KDM5A: variants seen among roughly 807,000 people sequenced by gnomAD.
KDM5A encodes the protein lysine demethylase 5A.
In KDM5A, 42 loss-of-function variants were observed where a neutral mutation model predicts 193.5. The observed-to-expected ratio is 0.22, with a 90% confidence interval of 0.17 to 0.28. The LOEUF is 0.28. KDM5A is among the 10% of genes least tolerant of loss of function. The pLI is 1.00. For synonymous variants in KDM5A, 796 were observed against 718.1 expected (o/e 1.11, Z -1.73); for missense variants, 1,692 against 2,055.1 (o/e 0.82, Z 3.42).
chr12:388,242 G>A (rs1565556207), intron 1 of KDM5A: 1 of 455,246 alleles, frequency 2.2e-6, no homozygotes, highest in African/African-American at 2.0e-5. Context: ...CCTCAAAGGT[G>A]AGATTATAAT....
In KDM5A at chr12:354,184, T is replaced by C. The variant is rs1397590553; in HGVS notation, c.921A>G (p.Lys307=). The change falls in exon 8 of 28, where the codon AAA becomes AAG. Residue 307 remains lysine, a synonymous_variant. Transcript: ENST00000399788. Reference sequence around the variant, plus strand: ...CATCACATCCATCACACAAAAGCAATTTATCTTCATTGTTTCCCCGACCAC... The same window carrying C: ...CATCACATCCATCACACAAAAGCAACTTATCTTCATTGTTTCCCCGACCAC... ...MFCGRGNNED[K]LLLCDGCDDS... is the part of the protein sequence containing the mutation. The C allele has an allele frequency of 6.2e-7, 1 of 1,612,022 alleles. No individual in the cohort carries two copies. The highest frequency in any genetic ancestry group is 8.5e-7 in the Non-Finnish European group (1 of 1,178,320).
At chr12:377,942 T>C (rs1944528176) in intron 3 of KDM5A, among the ~76,000 whole-genome samples, 1 of 152,168 alleles carries the variant, frequency 6.6e-6, no homozygotes, top group Non-Finnish European at 1.5e-5. Flanking sequence ...TACTGAGAGA[T>C]GTATACTTCT....
intron 3 of KDM5A, among the ~76,000 whole-genome samples, chr12:378,725 A>G (rs570431913): frequency 1.1e-4 from 17 of 152,290 alleles, no homozygotes; most frequent in Admixed American, 3.3e-4. Flanking sequence ...TTGGGAGGCC[A>G]AGGCGGGCGG....
intron 24 of KDM5A, among the ~76,000 whole-genome samples, chr12:301,680 G>A (rs893269080): frequency 2.0e-5 from 3 of 152,152 alleles, no homozygotes; most frequent in Admixed American, 6.5e-5. Flanking sequence ...TCTGGCCAGG[G>A]CAATCAGACA....
intron 3 of KDM5A, among the ~76,000 whole-genome samples, chr12:368,204 A>G (rs1190944901): frequency 6.6e-6 from 1 of 152,244 alleles, no homozygotes; most frequent in Non-Finnish European, 1.5e-5. Flanking sequence ...AGCTACATAG[A>G]GTAAGCAAAT....
intron 3 of KDM5A, among the ~76,000 whole-genome samples, chr12:381,487 C>G (rs145161032): frequency 0.01 from 1,529 of 152,204 alleles, 17 homozygotes; most frequent in African/African-American, 0.034. Flanking sequence ...CATCATACAG[C>G]AAAACTTAGT....
chr12:307,000 A>C lies in KDM5A; in HGVS notation c.4020T>G (p.Asp1340Glu), dbSNP rs190048950. The part of the protein sequence containing the change: ...SSPRQTMDYD[D>E]EETDSDEDIR... ...TGTCTTCATCAGAGTCTGTTTCTTC[A>C]TCATCATAGTCCATTGTTTGTCGAG... The change falls in exon 24 of 28, where the codon GAT (aspartate) becomes GAG (glutamate). Residue 1340 changes from aspartate (D) to glutamate (E), a missense_variant. Coordinates refer to ENST00000399788, the MANE Select transcript of KDM5A (RefSeq NM_001042603.3). 3.1e-5 allele frequency: 50 copies of C among 1,613,796 alleles called. No individual in the cohort carries two copies. The Admixed American group carries it at 7.3e-4, about 24-fold the overall frequency.
intron 14 of KDM5A, among the ~76,000 whole-genome samples, chr12:324,709 C>A (rs970251434): frequency 8.6e-5 from 13 of 151,570 alleles, no homozygotes; most frequent in African/African-American, 3.2e-4. Flanking sequence ...TTCATCTCTA[C>A]TAAAAATACA....
chr12:297,518 C>A (rs1330608669), intron 24 of KDM5A, among the ~76,000 whole-genome samples: 4 of 151,972 alleles, frequency 2.6e-5, no homozygotes, highest in African/African-American at 9.7e-5. Context: ...GAAAACAAAC[C>A]CATTAAGATT....
intron 3 of KDM5A, among the ~76,000 whole-genome samples, chr12:375,416 T>G (rs1327441984): frequency 2.0e-5 from 3 of 152,254 alleles, no homozygotes; most frequent in Non-Finnish European, 4.4e-5. Context: ...GCCATGGTTT[T>G]CAGCTCCATC....
At chr12:340,270 C>T (rs1943984545) in intron 10 of KDM5A, among the ~76,000 whole-genome samples, 1 of 152,154 alleles carries the variant, frequency 6.6e-6, no homozygotes, top group African/African-American at 2.4e-5. Context: ...TAGTTAGAAT[C>T]TGAGGCCTCC....
chr12:305,839 T>G (rs1251142633), intron 24 of KDM5A, among the ~76,000 whole-genome samples: 1 of 152,176 alleles, frequency 6.6e-6, no homozygotes, highest in African/African-American at 2.4e-5. Flanking sequence ...AATAATTTGT[T>G]GTATCTGCAA....
intron 24 of KDM5A, 26 bp downstream of exon 24, chr12:306,920 C>T (rs2137386405): frequency 6.2e-7 from 1 of 1,606,708 alleles, no homozygotes; most frequent in Middle Eastern, 1.7e-4. Context: ...CAGGTATGTA[C>T]CCACACAGCT....
chr12:384,960 C>T (rs1944621701), intron 2 of KDM5A, among the ~76,000 whole-genome samples: 1 of 152,086 alleles, frequency 6.6e-6, no homozygotes, highest in African/African-American at 2.4e-5. Flanking sequence ...GAGGCCAAGG[C>T]GGGCAGATCA....
intron 5 of KDM5A, among the ~76,000 whole-genome samples, chr12:359,191 T>C (rs1205458009): frequency 6.6e-6 from 1 of 152,128 alleles, no homozygotes; most frequent in Non-Finnish European, 1.5e-5. Flanking sequence ...GATTAGAGTG[T>C]GAATGCAAAA....
intron 10 of KDM5A, among the ~76,000 whole-genome samples, chr12:341,677 G>GA (rs1944007263): frequency 6.6e-6 from 1 of 152,102 alleles, no homozygotes; most frequent in Non-Finnish European, 1.5e-5. Context: ...CAAGGTGAGC[G>GA]AATCACGAGG....
At chr12:353,997 GA>G in intron 8 of KDM5A, 78 bp downstream of exon 8, 1 of 1,039,142 alleles carries the variant, frequency 9.6e-7, no homozygotes, top group East Asian at 2.4e-5. Context: ...ACATATTTGG[GA>G]ATATGTTTAT....
intron 18 of KDM5A, among the ~76,000 whole-genome samples, chr12:320,290 A>G (rs972846348): frequency 6.6e-6 from 1 of 152,180 alleles, no homozygotes; most frequent in Non-Finnish European, 1.5e-5. Flanking sequence ...TGAGGTCAGG[A>G]GTTTGAAACC....
chr12:369,494 T>A (rs112382198), intron 3 of KDM5A, among the ~76,000 whole-genome samples: 5,843 of 152,174 alleles, frequency 0.038, 151 homozygotes, highest in Non-Finnish European at 0.055. Flanking sequence ...TTTGAAGGGA[T>A]AAATATTGTA....
Sources: allele counts gnomAD v4.1 joint callset (sites outside exome capture counted in the v4.1 genomes callset), GRCh38; gene constraint gnomAD v4.1.1; transcripts MANE v1.5; gene names NCBI Gene and HGNC (gene_info 2026-07-23, HGNC 2026-07-21).